Variants in LGSN observed in about 807,000 individuals in gnomAD.
LGSN encodes the protein lengsin, lens protein with glutamine synthetase domain, also known as lengsin.
In LGSN, 21 loss-of-function variants were observed where a neutral mutation model predicts 19.5. That is an observed-to-expected ratio of 1.07 (90% CI 0.76 to 1.55). The LOEUF is 1.55. LGSN is among the 40% of genes most tolerant of loss of function. LGSN has a pLI of 0.00. For synonymous variants in LGSN, 257 were observed against 215.6 expected (o/e 1.19, Z -1.68); for missense variants, 673 against 608.5 (o/e 1.11, Z -1.12).
At chr6:63,526,855 T>A in the LGSN span, among the ~76,000 whole-genome samples, 1 of 143,544 alleles carries the variant, frequency 7.0e-6, no homozygotes, top group East Asian at 2.0e-4. Flanking sequence ...TTATTCTTCT[T>A]AAGGGCTTCC....
chr6:63,477,078 T>G, the LGSN span, among the ~76,000 whole-genome samples: 1 of 152,236 alleles, frequency 6.6e-6, no homozygotes, highest in Non-Finnish European at 1.5e-5. Flanking sequence ...ACTGTTTTTC[T>G]GATACCAAAA....
the LGSN span, among the ~76,000 whole-genome samples, chr6:63,511,936 G>A: frequency 6.6e-6 from 1 of 152,028 alleles, no homozygotes; most frequent in Non-Finnish European, 1.5e-5. Context: ...TAATTCCCTA[G>A]CAAGCAGATG....
the LGSN span, among the ~76,000 whole-genome samples, chr6:63,488,331 G>A: frequency 2.6e-5 from 4 of 152,142 alleles, no homozygotes; most frequent in Non-Finnish European, 5.9e-5. Context: ...CTTTGCAAGT[G>A]AGAAAAGAGA....
the LGSN span, among the ~76,000 whole-genome samples, chr6:63,507,945 A>C: frequency 6.6e-6 from 1 of 152,326 alleles, no homozygotes; most frequent in Non-Finnish European, 1.5e-5. Context: ...CAAGAGACAA[A>C]AAAAAGCAAC....
chr6:63,365,962 A>G, the LGSN span, among the ~76,000 whole-genome samples: 2 of 152,208 alleles, frequency 1.3e-5, no homozygotes, highest in Non-Finnish European at 2.9e-5. Context: ...GCTATTTATG[A>G]CAAACCCACA....
chr6:63,320,628 T>C (rs1467691343), upstream of LGSN, among the ~76,000 whole-genome samples: 1 of 152,166 alleles, frequency 6.6e-6, no homozygotes, highest in Non-Finnish European at 1.5e-5. Flanking sequence ...CCTAACTCAG[T>C]AGAGGAAATA....
chr6:63,564,795 T>C, the LGSN span, among the ~76,000 whole-genome samples: 1 of 152,200 alleles, frequency 6.6e-6, no homozygotes, highest in Non-Finnish European at 1.5e-5. Context: ...AAATGATTTT[T>C]ATTCAGGCTA....
the LGSN span, among the ~76,000 whole-genome samples, chr6:63,424,025 G>A: frequency 6.6e-6 from 1 of 152,102 alleles, no homozygotes; most frequent in Admixed American, 6.6e-5. Flanking sequence ...GGGCAACAGA[G>A]CAAAACTCTG....
chr6:63,388,549 T>C, the LGSN span, among the ~76,000 whole-genome samples: 29 of 152,214 alleles, frequency 1.9e-4, no homozygotes, highest in Middle Eastern at 3.4e-3. Context: ...GAAAATGATG[T>C]GAAGCCAGGG....
the LGSN span, among the ~76,000 whole-genome samples, chr6:63,459,380 A>G: frequency 6.6e-6 from 1 of 152,140 alleles, no homozygotes; most frequent in Non-Finnish European, 1.5e-5. Context: ...AGTATATTAT[A>G]AATTAATTAT....
the LGSN span, among the ~76,000 whole-genome samples, chr6:63,412,491 A>AGAGAG: frequency 6.6e-5 from 6 of 90,932 alleles, no homozygotes; most frequent in African/African-American, 2.8e-4. Context: ...GAGAAGAAAG[A>AGAGAG]AAGAAAGAAA....
the LGSN span, among the ~76,000 whole-genome samples, chr6:63,412,241 C>T: frequency 6.6e-6 from 1 of 151,812 alleles, no homozygotes; most frequent in Non-Finnish European, 1.5e-5. Flanking sequence ...GTGGCAGAAG[C>T]CTGTAATCCC....
chr6:63,532,941 G>A, the LGSN span, among the ~76,000 whole-genome samples: 1 of 152,086 alleles, frequency 6.6e-6, no homozygotes, highest in African/African-American at 2.4e-5. Context: ...TTACATACCC[G>A]ATGTGAGCCT....
At chr6:63,418,155 G>C in the LGSN span, among the ~76,000 whole-genome samples, 1 of 151,986 alleles carries the variant, frequency 6.6e-6, no homozygotes, top group Non-Finnish European at 1.5e-5. Flanking sequence ...TTATTAATTT[G>C]ATTGTTTAAA....
the LGSN span, among the ~76,000 whole-genome samples, chr6:63,420,115 A>G: frequency 3.3e-5 from 5 of 151,324 alleles, no homozygotes; most frequent in Non-Finnish European, 7.4e-5. Context: ...AGGCAGGAGA[A>G]TGGCGTGAAC....
the LGSN span, among the ~76,000 whole-genome samples, chr6:63,464,533 AT>A: frequency 1.0e-4 from 15 of 146,312 alleles, no homozygotes; most frequent in South Asian, 2.1e-4. Context: ...TATGGAAAAA[AT>A]ATATATATAT....
the LGSN span, among the ~76,000 whole-genome samples, chr6:63,410,713 C>T: frequency 2.0e-5 from 3 of 152,116 alleles, no homozygotes; most frequent in African/African-American, 4.8e-5. Flanking sequence ...AATTGTTAAG[C>T]TATTCAAGGA....
chr6:63,510,726 T>A, the LGSN span, among the ~76,000 whole-genome samples: 1 of 139,250 alleles, frequency 7.2e-6, no homozygotes, highest in African/African-American at 2.7e-5. Context: ...CAGGCTGGAG[T>A]GCAGTGACAC....
the LGSN span, among the ~76,000 whole-genome samples, chr6:63,439,304 T>C: frequency 3.0e-4 from 45 of 152,186 alleles, no homozygotes; most frequent in African/African-American, 1.1e-3. Flanking sequence ...TGTATACATA[T>C]GTTAACTAAC....
Sources: gnomAD v4.1 joint callset for allele counts (sites outside exome capture counted in the v4.1 genomes callset) on GRCh38, gnomAD v4.1.1 for gene constraint, MANE v1.5 for transcripts, NCBI Gene and HGNC (gene_info 2026-07-23, HGNC 2026-07-21) for gene names.